TBC1D30: variants seen among roughly 807,000 people sequenced by gnomAD.
TBC1D30 encodes TBC1 domain family, member 30.
In TBC1D30, 31 loss-of-function variants were observed where a neutral mutation model predicts 63.2. That is an observed-to-expected ratio of 0.49 (90% CI 0.37 to 0.66). The LOEUF (loss-of-function observed/expected upper bound fraction) is 0.66. Ranked by LOEUF, TBC1D30 falls within the 30% of genes least tolerant of loss-of-function variation. The pLI is 0.00. For missense variants in TBC1D30, 810 were observed against 953.6 expected (o/e 0.85, Z 1.98); for synonymous variants, 307 against 361.5 (o/e 0.85, Z 1.71).
At chr12:64,834,328 TAA>T (rs1311785294) in intron 5 of TBC1D30, among the ~76,000 whole-genome samples, 15 of 152,158 alleles carry the variant, frequency 9.9e-5, no homozygotes, top group Non-Finnish European at 1.8e-4. Flanking sequence ...ATTTAGCACT[TAA>T]GTTTTTACTT....
chr12:64,766,466 A>G (rs1053816933), intron 1 of TBC1D30, among the ~76,000 whole-genome samples: 3 of 152,308 alleles, frequency 2.0e-5, no homozygotes, highest in Admixed American at 6.5e-5. Flanking sequence ...AGGGCATTTT[A>G]TAATGATAAA....
upstream of TBC1D30, among the ~76,000 whole-genome samples, chr12:64,776,415 G>A (rs1871083550): frequency 6.6e-6 from 1 of 152,090 alleles, no homozygotes; most frequent in Non-Finnish European, 1.5e-5. Flanking sequence ...GTGAAAAATG[G>A]TAAGGGGAAT....
Position 64,880,779 on chromosome 12 carries a change from A to G in TBC1D30, c.*4991A>G, listed in dbSNP as rs1879414528. The G allele has an allele frequency of 6.6e-6, 1 of 152,192 alleles. No individual in the cohort carries two copies. Among genetic ancestry groups the G allele is most frequent in the African/African-American group, 2.4e-5 (1 of 41,442 alleles). 9.4% of individuals were successfully genotyped at this position (152,192 alleles called of 1,614,324 possible). A position where few individuals can be genotyped will look rare whatever the true frequency, so the allele number is the denominator to read the frequency against. ...CACCAACCTGTGCCCCAGGGGCTTC[A>G]AGAGTTGTTGTTGTTTTAACATTAA... is the stretch of plus-strand genomic sequence containing the variant. On this transcript the variant is annotated 3_prime_UTR_variant, in exon 12 of 12. Coordinates refer to ENST00000539867, the MANE Select transcript of TBC1D30 (RefSeq NM_015279.2).
At chr12:64,859,734 G>A (rs147679995) in intron 8 of TBC1D30, among the ~76,000 whole-genome samples, 316 of 152,110 alleles carry the variant, frequency 2.1e-3, no homozygotes, top group African/African-American at 6.3e-3. Context: ...CTTTGGAGGT[G>A]TACTTGGACT....
upstream of TBC1D30, among the ~76,000 whole-genome samples, chr12:64,822,373 G>T (rs981969637): frequency 6.6e-6 from 1 of 152,094 alleles, no homozygotes; most frequent in East Asian, 1.9e-4. Context: ...CAGAAACAGG[G>T]TCTTGCTATT....
At chr12:64,845,726 CAAAA>C (rs71096005) in intron 8 of TBC1D30, among the ~76,000 whole-genome samples, 4 of 123,000 alleles carry the variant, frequency 3.3e-5, no homozygotes, top group Admixed American at 8.2e-5. Context: ...GACTCCGTCT[CAAAA>C]AAAAAAAAAA....
At chr12:64,837,830 G>A (rs956082488) in intron 6 of TBC1D30, among the ~76,000 whole-genome samples, 1 of 152,156 alleles carries the variant, frequency 6.6e-6, no homozygotes, top group African/African-American at 2.4e-5. Context: ...TGAGCTACAT[G>A]TTTTTACCCA....
At chr12:64,850,807 G>A (rs1017218374) in intron 8 of TBC1D30, among the ~76,000 whole-genome samples, 1 of 152,124 alleles carries the variant, frequency 6.6e-6, no homozygotes. Flanking sequence ...TTAGGGAGGA[G>A]TCCCTCTTTT....
At chr12:64,822,185 A>AT (rs200207723), upstream of TBC1D30, among the ~76,000 whole-genome samples, 173 of 151,178 alleles carry the variant, frequency 1.1e-3, 2 homozygotes, top group East Asian at 0.03. Flanking sequence ...AATAGCAGCC[A>AT]TTTTTTTTTC....
At chr12:64,761,152 C>A (rs1176033470) in intron 1 of TBC1D30, among the ~76,000 whole-genome samples, 1 of 152,238 alleles carries the variant, frequency 6.6e-6, no homozygotes, top group Non-Finnish European at 1.5e-5. Context: ...GTTAGAATAA[C>A]TAATCCTTCT....
At chr12:64,825,280 C>A in intron 1 of TBC1D30, 2 of 453,458 alleles carry the variant, frequency 4.4e-6, no homozygotes, top group South Asian at 4.7e-5. Context: ...CCTCTCCCCG[C>A]GGACCCCCAC....
chr12:64,849,455 A>G (rs750422058), intron 8 of TBC1D30, among the ~76,000 whole-genome samples: 1 of 152,152 alleles, frequency 6.6e-6, no homozygotes, highest in Non-Finnish European at 1.5e-5. Context: ...TTTTTGTAGA[A>G]GGTGTAAGGA....
At chr12:64,760,485 C>G (rs1394626320) in intron 1 of TBC1D30, among the ~76,000 whole-genome samples, 7 of 152,102 alleles carry the variant, frequency 4.6e-5, no homozygotes. Flanking sequence ...ATCGCTTGAA[C>G]CCGGGAGGCG....
chr12:64,807,628 C>T (rs1408337806), intron 2 of TBC1D30, among the ~76,000 whole-genome samples: 1 of 152,122 alleles, frequency 6.6e-6, no homozygotes, highest in Non-Finnish European at 1.5e-5. Context: ...CTGTGGTTTT[C>T]CTAATATGCC....
chr12:64,817,640 C>A (rs769706901), intron 2 of TBC1D30, among the ~76,000 whole-genome samples: 1 of 152,226 alleles, frequency 6.6e-6, no homozygotes, highest in Non-Finnish European at 1.5e-5. Context: ...TCCCTCTTGT[C>A]ATCACCAAAA....
In TBC1D30 at chr12:64,875,217, A is replaced by C; in HGVS notation, c.1715A>C (p.His572Pro). The C allele has an allele frequency of 6.5e-7, 1 of 1,536,358 alleles. No homozygotes were observed. Among genetic ancestry groups the C allele is most frequent in the Non-Finnish European group, 8.7e-7 (1 of 1,146,918 alleles). Residue 572 changes from histidine (H) to proline (P), a missense_variant, in exon 12 of 12, where the codon CAC becomes CCC. By Grantham distance (77) the His-to-Pro change is moderately conservative. Coordinates refer to ENST00000539867, the MANE Select transcript of TBC1D30 (RefSeq NM_015279.2). ...CCGTGGCGAACTCACATCCGAGTCC[A>C]CAAAAAGAACATGCCAAGGACCAAG... is the stretch of plus-strand genomic sequence containing the variant. ...NSPWRTHIRVHKKNMPRTKSH... is the reference protein window; with the variant it reads ...NSPWRTHIRVPKKNMPRTKSH...
At chr12:64,857,410 C>T (rs1379428708) in intron 8 of TBC1D30, among the ~76,000 whole-genome samples, 1 of 152,130 alleles carries the variant, frequency 6.6e-6, no homozygotes, top group Non-Finnish European at 1.5e-5. Context: ...GAATAGGGGC[C>T]TCATGACTCT....
intron 2 of TBC1D30, among the ~76,000 whole-genome samples, chr12:64,795,572 G>C (rs1157471877): frequency 6.6e-6 from 1 of 152,110 alleles, no homozygotes; most frequent in Admixed American, 6.5e-5. Flanking sequence ...AGTCTCTTGT[G>C]GACTGTGTAG....
rs111510366 is a variant in TBC1D30, at chr12:64,764,976, A to G, written c.-376+5327A>G. Among the ~76,000 whole-genome samples the G allele has an allele frequency of 2.1e-4, 32 of 152,314 alleles. 2 individuals carry two copies. Among genetic ancestry groups the G allele is most frequent in the African/African-American group, 7.5e-4 (31 of 41,574 alleles). On this transcript the variant is annotated intron_variant, in intron 1 of 13. Transcript: ENST00000674237. The stretch of plus-strand genomic sequence containing the variant: ...TGATCATCAGGAGCACTCCTTAGGA[A>G]CCTGGAAAGGTCGTGCCCTAATAGT...
Sources: gnomAD v4.1 joint callset for allele counts (sites outside exome capture counted in the v4.1 genomes callset) on GRCh38, gnomAD v4.1.1 for gene constraint, MANE v1.5 for transcripts, NCBI Gene and HGNC (gene_info 2026-07-23, HGNC 2026-07-21) for gene names.